The following MAN1A1 variants were observed in gnomAD, a reference collection of about 807,000 sequenced individuals.
MAN1A1 encodes the protein mannosidase alpha class 1A member 1, also known as mannosyl-oligosaccharide 1,2-alpha-mannosidase IA.
Under a neutral mutation model 70.8 loss-of-function variants are expected in MAN1A1, and 29 were observed. The observed-to-expected ratio is 0.41, with a 90% CI of 0.31 to 0.56. The LOEUF (loss-of-function observed/expected upper bound fraction) is 0.56. Among genes scored for constraint, MAN1A1 ranks in the 20% least tolerant of loss-of-function variants. The pLI is 0.29. For missense variants in MAN1A1, 747 were observed against 841.3 expected (o/e 0.89, Z 1.39); for synonymous variants, 349 against 330.1 (o/e 1.06, Z -0.62).
At chr6:119,240,437 C>G (rs992228812) in intron 6 of MAN1A1, among the ~76,000 whole-genome samples, 2 of 152,028 alleles carry the variant, frequency 1.3e-5, no homozygotes, top group African/African-American at 4.8e-5. Context: ...ACAGCAGGAG[C>G]CTGAGCAGAT....
intron 2 of MAN1A1, among the ~76,000 whole-genome samples, chr6:119,345,796 A>G (rs1773712324): frequency 6.6e-6 from 1 of 152,184 alleles, no homozygotes; most frequent in South Asian, 2.1e-4. Context: ...AGAGAACCTA[A>G]GTATAAAGAG....
At chr6:119,284,560 GT>G (rs539422084) in intron 5 of MAN1A1, among the ~76,000 whole-genome samples, 4 of 151,586 alleles carry the variant, frequency 2.6e-5, no homozygotes, top group East Asian at 3.9e-4. Flanking sequence ...ACGTCTTTTT[GT>G]TTTTTTTCCC....
At chr6:119,298,829 C>A (rs1190181110) in intron 4 of MAN1A1, among the ~76,000 whole-genome samples, 1 of 152,002 alleles carries the variant, frequency 6.6e-6, no homozygotes, top group Non-Finnish European at 1.5e-5. Flanking sequence ...ATCTCCTGAC[C>A]TCATGATCCA....
At chr6:119,296,418 C>G (rs1296041336) in intron 4 of MAN1A1, among the ~76,000 whole-genome samples, 1 of 152,172 alleles carries the variant, frequency 6.6e-6, no homozygotes, top group Non-Finnish European at 1.5e-5. Context: ...ATGGAACACA[C>G]TCAATAACTT....
intron 5 of MAN1A1, among the ~76,000 whole-genome samples, chr6:119,270,896 G>C (rs977291286): frequency 1.3e-5 from 2 of 152,186 alleles, no homozygotes; most frequent in Non-Finnish European, 2.9e-5. Flanking sequence ...TAAAGAATCA[G>C]TACATATTCC....
intron 6 of MAN1A1, among the ~76,000 whole-genome samples, chr6:119,227,687 T>C (rs1452745728): frequency 1.3e-5 from 2 of 152,180 alleles, no homozygotes; most frequent in African/African-American, 4.8e-5. Flanking sequence ...CAGGATAGTC[T>C]TGAACTCCTA....
chr6:119,250,039 G>C (rs1775275277), intron 5 of MAN1A1, among the ~76,000 whole-genome samples: 2 of 152,042 alleles, frequency 1.3e-5, no homozygotes, highest in African/African-American at 2.4e-5. Context: ...TTGTCAAAGG[G>C]GACAATTCCC....
intron 6 of MAN1A1, among the ~76,000 whole-genome samples, chr6:119,229,706 T>A (rs1774623078): frequency 1.3e-5 from 2 of 152,168 alleles, no homozygotes; most frequent in South Asian, 2.1e-4. Context: ...CTAATCCCTC[T>A]GTCATGTTTT....
At chr6:119,196,197 A>C (rs1164911853) in intron 8 of MAN1A1, among the ~76,000 whole-genome samples, 3 of 152,174 alleles carry the variant, frequency 2.0e-5, no homozygotes, top group African/African-American at 7.2e-5. Flanking sequence ...GGAAGAAGCA[A>C]GTTTGAGCAG....
intron 3 of MAN1A1, 49 bp downstream of exon 3, chr6:119,306,847 A>C (rs1193832571): frequency 3.8e-6 from 5 of 1,302,158 alleles, no homozygotes; most frequent in Non-Finnish European, 5.6e-6. Flanking sequence ...AAGCTCAAGC[A>C]ATTGGGGAGA....
chr6:119,238,150 G>A (rs1387699292), intron 6 of MAN1A1, among the ~76,000 whole-genome samples: 1 of 152,146 alleles, frequency 6.6e-6, no homozygotes, highest in Non-Finnish European at 1.5e-5. Context: ...AAGGTACCAT[G>A]CTGACTTTGT....
chr6:119,210,673 C>CTT (rs3216463), intron 6 of MAN1A1, among the ~76,000 whole-genome samples: 16,186 of 151,062 alleles, frequency 0.11, 1,074 homozygotes, highest in East Asian at 0.18. Flanking sequence ...TGTCTAGTTT[C>CTT]TTTTTTTTTC....
At chr6:119,329,344 A>C (rs1007776011) in intron 2 of MAN1A1, among the ~76,000 whole-genome samples, 1 of 152,222 alleles carries the variant, frequency 6.6e-6, no homozygotes, top group Non-Finnish European at 1.5e-5. Flanking sequence ...AGTAGCCCAG[A>C]GTAAGAAATG....
chr6:119,329,698 T>G (rs1773255514), intron 2 of MAN1A1, among the ~76,000 whole-genome samples: 1 of 152,132 alleles, frequency 6.6e-6, no homozygotes, highest in African/African-American at 2.4e-5. Context: ...CAGCAAGTAT[T>G]CTGTTTCTTT....
chr6:119,346,824 T>C (rs1230976696), intron 2 of MAN1A1, among the ~76,000 whole-genome samples: 1 of 152,238 alleles, frequency 6.6e-6, no homozygotes, highest in East Asian at 1.9e-4. Flanking sequence ...ATGAAATGTA[T>C]GAATTACACC....
In MAN1A1 at chr6:119,229,867, C is replaced by T. The variant is rs935899550; in HGVS notation, c.992+18393G>A. On this transcript the variant is annotated intron_variant, in intron 6 of 12. Transcript: ENST00000368468. ...ATTGTGAACCTGAACCCATTTTACA[C>T]GACATTCTCTTCTTCAAATTAAAGG... Among the ~76,000 whole-genome samples, 9 of 152,292 alleles carry T rather than the reference C, an allele frequency of 5.9e-5. No individual in the cohort carries two copies. The East Asian group carries it at 1.3e-3, about 23-fold the overall frequency.
intron 4 of MAN1A1, among the ~76,000 whole-genome samples, chr6:119,293,020 T>C (rs912864411): frequency 2.0e-5 from 3 of 152,034 alleles, no homozygotes; most frequent in Non-Finnish European, 4.4e-5. Flanking sequence ...TCTCAATTAG[T>C]ACTTGTGTTT....
In MAN1A1 at chr6:119,242,662, T is replaced by C. The variant is rs115617173; in HGVS notation, c.992+5598A>G. Reference sequence around the variant, plus strand: ...AAAATTCCAATGTCCATCTGTTTCATAGCACTCTGCAAGGTTTAACCTTCT... The same window carrying C: ...AAAATTCCAATGTCCATCTGTTTCACAGCACTCTGCAAGGTTTAACCTTCT... On this transcript the variant is annotated intron_variant, in intron 6 of 12. Coordinates refer to ENST00000368468, the MANE Select transcript of MAN1A1 (RefSeq NM_005907.4). 3.4e-3 allele frequency among the ~76,000 whole-genome samples: 515 copies of C among 152,310 alleles called. 3 individuals carry two copies. Among genetic ancestry groups the C allele is most frequent in the African/African-American group, 0.012 (486 of 41,578 alleles).
At chr6:119,289,038 A>G (rs767224247) in intron 5 of MAN1A1, among the ~76,000 whole-genome samples, 1 of 148,088 alleles carries the variant, frequency 6.8e-6, no homozygotes, top group Non-Finnish European at 1.5e-5. Flanking sequence ...ATCTATAGGC[A>G]AACTATAATA....
Sources: gnomAD v4.1 joint callset for allele counts (sites outside exome capture counted in the v4.1 genomes callset) on GRCh38, gnomAD v4.1.1 for gene constraint, MANE v1.5 for transcripts, NCBI Gene and HGNC (gene_info 2026-07-23, HGNC 2026-07-21) for gene names.